Variants in NME7 observed in about 807,000 individuals in gnomAD.
NME7 encodes nucleoside diphosphate kinase 7.
A neutral mutation model predicts 49.1 loss-of-function variants in NME7; 41 were observed. That is an observed-to-expected ratio of 0.83 (90% confidence interval 0.65 to 1.08). The LOEUF is 1.08. Among genes scored for constraint, NME7 ranks in the 50% least tolerant of loss-of-function variants. The pLI is 0.00. For synonymous variants in NME7, 139 were observed against 150.6 expected, an observed-to-expected ratio of 0.92 and a Z score of 0.56; for missense variants, 423 against 463.4, an observed-to-expected ratio of 0.91 and a Z score of 0.80.
chr1:169,154,271 C>T (rs745443552), intron 11 of NME7, among the ~76,000 whole-genome samples: 6 of 151,828 alleles, frequency 4.0e-5, no homozygotes, highest in Non-Finnish European at 7.4e-5. Context: ...CCTCAGCCTC[C>T]GAAAGTGTTG....
At chr1:169,218,958 C>T (rs957220564) in intron 10 of NME7, among the ~76,000 whole-genome samples, 13 of 152,266 alleles carry the variant, frequency 8.5e-5, no homozygotes, top group African/African-American at 3.1e-4. Context: ...GGTGAAACTT[C>T]TTGCTGAAGA....
chr1:169,357,551 T>C (rs1303065676), intron 1 of NME7, among the ~76,000 whole-genome samples: 1 of 152,144 alleles, frequency 6.6e-6, no homozygotes, highest in Non-Finnish European at 1.5e-5. Flanking sequence ...CCATTCATTC[T>C]TTGCATAAAA....
intron 1 of NME7, among the ~76,000 whole-genome samples, chr1:169,358,959 C>T (rs544359906): frequency 2.0e-5 from 3 of 151,944 alleles, no homozygotes; most frequent in East Asian, 3.9e-4. Context: ...AAAATGTGTT[C>T]GCAAAAATAT....
chr1:169,191,498 G>C (rs942275429), intron 10 of NME7, among the ~76,000 whole-genome samples: 4 of 152,258 alleles, frequency 2.6e-5, no homozygotes, highest in South Asian at 4.1e-4. Flanking sequence ...GCAAAGCTAG[G>C]TGTCCCAAAT....
At chr1:169,201,919 A>T (rs1465428143) in intron 10 of NME7, among the ~76,000 whole-genome samples, 1 of 152,130 alleles carries the variant, frequency 6.6e-6, no homozygotes, top group Non-Finnish European at 1.5e-5. Flanking sequence ...TCAGGTTGAA[A>T]ACAGAATTCC....
intron 7 of NME7, chr1:169,247,155 A>G (rs1648358317): frequency 2.2e-6 from 1 of 451,332 alleles, no homozygotes; most frequent in South Asian, 1.6e-5. Context: ...GGACAGTCTA[A>G]GAAAAACAAA....
chr1:169,142,181 G>C (rs922545331), intron 11 of NME7, among the ~76,000 whole-genome samples: 1 of 152,166 alleles, frequency 6.6e-6, no homozygotes, highest in Non-Finnish European at 1.5e-5. Context: ...GGCATAGTAA[G>C]ATTCAAGTTC....
chr1:169,201,179 TATG>T (rs1204173867), intron 10 of NME7, among the ~76,000 whole-genome samples: 5 of 152,076 alleles, frequency 3.3e-5, no homozygotes, highest in African/African-American at 1.2e-4. Flanking sequence ...TGTAGCAAGC[TATG>T]ATAATATCAC....
intron 11 of NME7, among the ~76,000 whole-genome samples, chr1:169,157,299 A>G (rs1463871245): frequency 2.6e-5 from 4 of 152,184 alleles, no homozygotes; most frequent in Non-Finnish European, 5.9e-5. Context: ...TGGAGATACA[A>G]AAGTCCCTTA....
At position 169,178,652 on chromosome 1, in the gene NME7, T is replaced by C. The variant is rs181043173; in HGVS notation, c.991-9098A>G. Among the ~76,000 whole-genome samples, 290 of 152,238 alleles carry C rather than the reference T, an allele frequency of 1.9e-3. 2 individuals are homozygous for C. Among genetic ancestry groups the C allele is most frequent in the African/African-American group, 6.8e-3 (282 of 41,508 alleles). ...TCTGTTTCTTGAGCTGAACTCTCAG[T>C]GATATTCTGAGGCTCCATCTTTCTT... On this transcript the variant is annotated intron_variant, in intron 10 of 11. Transcript: ENST00000367811.
At chr1:169,310,267 A>T (rs1176142568) in intron 3 of NME7, among the ~76,000 whole-genome samples, 187 bp from the exon 4 acceptor site, 1 of 152,158 alleles carries the variant, frequency 6.6e-6, no homozygotes, top group African/African-American at 2.4e-5. Context: ...TTTTCCCATG[A>T]ACATCAAAAT....
At chr1:169,164,091 C>G (rs1004910315) in intron 11 of NME7, among the ~76,000 whole-genome samples, 2 of 139,680 alleles carry the variant, frequency 1.4e-5, no homozygotes, top group African/African-American at 5.5e-5. Flanking sequence ...GCCTGGGCAA[C>G]AGAGCGAGAC....
intron 11 of NME7, among the ~76,000 whole-genome samples, chr1:169,144,027 T>C (rs1438985861): frequency 6.6e-6 from 1 of 152,172 alleles, no homozygotes; most frequent in Non-Finnish European, 1.5e-5. Flanking sequence ...AACTCCTAAA[T>C]TTGGCATAAA....
chr1:169,168,890 ACTTT>A (rs1474926086), intron 11 of NME7: 2 of 456,472 alleles, frequency 4.4e-6, no homozygotes, highest in Non-Finnish European at 8.8e-6. Context: ...AAATCTCCAA[ACTTT>A]CTAATATATT....
chr1:169,362,203 G>A (rs1320431748), intron 1 of NME7, among the ~76,000 whole-genome samples: 6 of 152,168 alleles, frequency 3.9e-5, no homozygotes. Context: ...GTGAGACTGT[G>A]TCTCAAAAAT....
chr1:169,132,880 A>G, intron 11 of NME7, 63 bp from the exon 12 acceptor site: 8 of 1,410,720 alleles, frequency 5.7e-6, no homozygotes, highest in Non-Finnish European at 8.0e-6. Context: ...CACTTAACAG[A>G]GTCCAAGAGG....
intron 7 of NME7, among the ~76,000 whole-genome samples, chr1:169,280,358 C>G (rs978089737): frequency 1.3e-5 from 2 of 151,902 alleles, no homozygotes; most frequent in Non-Finnish European, 2.9e-5. Flanking sequence ...AGATATTAGC[C>G]CTTTGTCAGA....
At position 169,328,398 on chromosome 1, in the gene NME7, T is replaced by C. The variant is rs565191749; in HGVS notation, c.4-3898A>G. ...TGTCTCCCAAAGCGATGATGGTGGC[T>C]TATAGGTCCACCTGTGACTTTAGAA... On this transcript the variant is annotated intron_variant, in intron 1 of 11. Coordinates refer to ENST00000367811, the MANE Select transcript of NME7 (RefSeq NM_013330.5). 2.4e-4 allele frequency among the ~76,000 whole-genome samples: 37 copies of C among 152,322 alleles called. 1 individual carries two copies. The highest frequency in any genetic ancestry group is 6.8e-3 in the Middle Eastern group (2 of 294).
intron 1 of NME7, among the ~76,000 whole-genome samples, chr1:169,325,852 A>C (rs186026653): frequency 3.9e-5 from 6 of 152,288 alleles, no homozygotes; most frequent in Non-Finnish European, 8.8e-5. Context: ...ATTACTCAAG[A>C]GAAAATAAAT....
Sources: allele counts gnomAD v4.1 joint callset (sites outside exome capture counted in the v4.1 genomes callset), GRCh38; gene constraint gnomAD v4.1.1; transcripts MANE v1.5; gene names NCBI Gene and HGNC (gene_info 2026-07-23, HGNC 2026-07-21).